The following NTRK3 variants were observed in gnomAD, a reference collection of about 807,000 sequenced individuals.
NTRK3 encodes the protein NT-3 growth factor receptor.
A neutral mutation model predicts 91.7 loss-of-function variants in NTRK3; 24 were observed. That is an observed-to-expected ratio of 0.26 (90% CI 0.19 to 0.37). NTRK3 has a LOEUF of 0.37. Among genes scored for constraint, NTRK3 ranks in the 10% least tolerant of loss-of-function variants. The probability of loss-of-function intolerance (pLI) is 1.00; values close to 1 mark genes in which losing one functional copy is unlikely to be tolerated. For missense variants in NTRK3, 880 were observed against 1,068.9 expected (o/e 0.82, Z 2.46); for synonymous variants, 483 against 404.0 (o/e 1.20, Z -2.34).
chr15:87,920,410 C>T (rs1364581000), intron 17 of NTRK3, among the ~76,000 whole-genome samples: 1 of 152,178 alleles, frequency 6.6e-6, no homozygotes, highest in East Asian at 1.9e-4. Flanking sequence ...GCTCTGAGCC[C>T]CACTTGGAAG....
At chr15:88,215,766 G>A (rs948295430) in intron 3 of NTRK3, among the ~76,000 whole-genome samples, 3 of 152,148 alleles carry the variant, frequency 2.0e-5, no homozygotes, top group Non-Finnish European at 4.4e-5. Flanking sequence ...GCAGTACCAG[G>A]GTAACATCTA....
At chr15:88,156,554 C>G (rs2043922817) in intron 5 of NTRK3, among the ~76,000 whole-genome samples, 1 of 152,118 alleles carries the variant, frequency 6.6e-6, no homozygotes. Context: ...AGCTAGCTCC[C>G]TGGCACTTCT....
chr15:87,882,423 A>T (rs111336124), intron 17 of NTRK3, among the ~76,000 whole-genome samples: 1 of 152,228 alleles, frequency 6.6e-6, no homozygotes, highest in Non-Finnish European at 1.5e-5. Flanking sequence ...CAGAGCAAAT[A>T]AGCCACAAAA....
At chr15:88,176,476 C>T (rs2046009782) in intron 5 of NTRK3, among the ~76,000 whole-genome samples, 1 of 152,134 alleles carries the variant, frequency 6.6e-6, no homozygotes, top group Non-Finnish European at 1.5e-5. Flanking sequence ...TAGTTTCTAC[C>T]ATACATAGAA....
At chr15:87,904,564 C>A (rs186266902) in intron 17 of NTRK3, among the ~76,000 whole-genome samples, 1 of 152,154 alleles carries the variant, frequency 6.6e-6, no homozygotes, top group East Asian at 1.9e-4. Flanking sequence ...CATCTATGAC[C>A]AAGTCTCTAA....
chr15:88,229,834 T>C (rs2051017833), intron 3 of NTRK3, among the ~76,000 whole-genome samples: 1 of 152,260 alleles, frequency 6.6e-6, no homozygotes, highest in South Asian at 2.1e-4. Flanking sequence ...TGGATCAGTG[T>C]AGCCCAGGGA....
intron 17 of NTRK3, among the ~76,000 whole-genome samples, chr15:87,926,443 C>T (rs1049266625): frequency 3.9e-5 from 6 of 152,158 alleles, no homozygotes; most frequent in African/African-American, 9.7e-5. Context: ...ACATACATTT[C>T]GAGCTAGCTG....
intron 5 of NTRK3, among the ~76,000 whole-genome samples, chr15:88,161,491 C>A (rs1199013062): frequency 6.6e-6 from 1 of 152,198 alleles, no homozygotes; most frequent in African/African-American, 2.4e-5. Context: ...TTTGGAAAGC[C>A]TTCCTCACCC....
At position 88,057,606 on chromosome 15, in the gene NTRK3, G is replaced by T. The variant is rs576745734; in HGVS notation, c.1397-24561C>A. Among the ~76,000 whole-genome samples the T allele has an allele frequency of 3.3e-5, 5 of 152,320 alleles. No homozygotes were observed. In the South Asian group the frequency reaches 1.0e-3, roughly 32 times the overall value. On this transcript the variant is annotated intron_variant, in intron 13 of 18. Coordinates refer to ENST00000394480, the Ensembl canonical transcript of NTRK3. ...ACGGGAAGCTCCTGGTGACCTTCAA[G>T]GAGAGCAAAGGTCCTTCTACATTGC...
intron 14 of NTRK3, among the ~76,000 whole-genome samples, chr15:87,958,565 G>A (rs978694693): frequency 3.3e-5 from 5 of 151,960 alleles, no homozygotes; most frequent in African/African-American, 7.2e-5. Context: ...TTCACTCAAC[G>A]GCTCAAGCCC....
intron 13 of NTRK3, 70 bp from the exon 14 acceptor site, chr15:88,033,115 A>G (rs2142026814): frequency 7.1e-7 from 1 of 1,407,082 alleles, no homozygotes; most frequent in Non-Finnish European, 9.7e-7. Flanking sequence ...CTGTCCACAG[A>G]CAACCCCCAA....
At chr15:87,939,364 A>G (rs180788137) in intron 15 of NTRK3, among the ~76,000 whole-genome samples, 1 of 152,334 alleles carries the variant, frequency 6.6e-6, no homozygotes, top group Admixed American at 6.5e-5. Flanking sequence ...TATTATTGCT[A>G]TTATACAGAT....
At chr15:88,003,708 A>G (rs1383866340) in intron 14 of NTRK3, among the ~76,000 whole-genome samples, 1 of 152,198 alleles carries the variant, frequency 6.6e-6, no homozygotes, top group Non-Finnish European at 1.5e-5. Context: ...TGCTAAGCCA[A>G]TATAACATAT....
intron 17 of NTRK3, among the ~76,000 whole-genome samples, chr15:87,912,985 C>G (rs1231319399): frequency 1.8e-5 from 2 of 108,530 alleles, no homozygotes; most frequent in Non-Finnish European, 4.0e-5. Flanking sequence ...CTTCAAGATC[C>G]TGCTGCTACA....
At chr15:88,137,669 A>C in intron 6 of NTRK3, 108 bp from the exon 7 acceptor site, 1 of 1,100,002 alleles carries the variant, frequency 9.1e-7, no homozygotes, top group Non-Finnish European at 1.3e-6. Flanking sequence ...GATTAAGGGG[A>C]GAAGGGATTT....
At chr15:88,145,320 A>G (rs1339629973) in intron 6 of NTRK3, among the ~76,000 whole-genome samples, 1 of 152,304 alleles carries the variant, frequency 6.6e-6, no homozygotes, top group East Asian at 1.9e-4. Flanking sequence ...ATAGACCCCT[A>G]CCAGGGTGAT....
At chr15:88,228,464 G>T (rs549682685) in intron 3 of NTRK3, among the ~76,000 whole-genome samples, 35 of 152,130 alleles carry the variant, frequency 2.3e-4, no homozygotes, top group African/African-American at 8.2e-4. Context: ...GTGCATAAAG[G>T]ATCTGTCTAC....
chr15:88,228,489 C>G (rs187296016), intron 3 of NTRK3, among the ~76,000 whole-genome samples: 168 of 152,302 alleles, frequency 1.1e-3, no homozygotes, highest in African/African-American at 3.8e-3. Flanking sequence ...GCACTCAGAG[C>G]CTCTGGGAGC....
At chr15:87,877,068 G>T (rs2141437428) in exon 19 of NTRK3, 1 of 1,613,968 alleles carries the variant, frequency 6.2e-7, no homozygotes, top group Non-Finnish European at 8.5e-7. Flanking sequence ...CACCTCTTTG[G>T]GGCAGACTCG....
Sources: allele counts gnomAD v4.1 joint callset (sites outside exome capture counted in the v4.1 genomes callset), GRCh38; gene constraint gnomAD v4.1.1; transcripts MANE v1.5; gene names NCBI Gene and HGNC (gene_info 2026-07-23, HGNC 2026-07-21).